Variants in VAV1 observed in about 807,000 individuals in gnomAD.
The protein encoded by VAV1 is vav guanine nucleotide exchange factor 1, also known as proto-oncogene vav.
VAV1 carries 33 observed loss-of-function variants against 128.1 expected under a neutral mutation model. That is an observed-to-expected ratio of 0.26 (90% CI 0.20 to 0.34). The LOEUF is 0.34. Among genes scored for constraint, VAV1 ranks in the 10% least tolerant of loss-of-function variants. The pLI, the probability that VAV1 is intolerant of heterozygous loss-of-function variation, is 1.00. For missense variants in VAV1, 715 were observed against 1,093.7 expected, an observed-to-expected ratio of 0.65 and a Z score of 4.88; for synonymous variants, 394 against 409.8, an observed-to-expected ratio of 0.96 and a Z score of 0.47.
intron 1 of VAV1, among the ~76,000 whole-genome samples, chr19:6,790,975 A>G (rs1971005718): frequency 6.6e-6 from 1 of 152,118 alleles, no homozygotes; most frequent in African/African-American, 2.4e-5. Flanking sequence ...AATCTGGTCC[A>G]GTGTCTGAGC....
intron 13 of VAV1, among the ~76,000 whole-genome samples, chr19:6,829,551 C>A (rs1250967940): frequency 1.3e-5 from 2 of 152,032 alleles, no homozygotes; most frequent in Admixed American, 6.6e-5. Flanking sequence ...GGCGGTGGAG[C>A]CTTGATGGAC....
chr19:6,779,112 T>TATG (rs1184950801), intron 1 of VAV1, among the ~76,000 whole-genome samples: 1 of 145,804 alleles, frequency 6.9e-6, no homozygotes, highest in Non-Finnish European at 1.5e-5. Context: ...AGTATAGTGG[T>TATG]ATGATCACAG....
At chr19:6,838,645 C>T (rs1167039882) in intron 21 of VAV1, among the ~76,000 whole-genome samples, 1 of 152,014 alleles carries the variant, frequency 6.6e-6, no homozygotes, top group South Asian at 2.1e-4. Flanking sequence ...TATCATTTAT[C>T]CATCACCTGT....
chr19:6,819,172 C>T (rs1971729214), intron 1 of VAV1, among the ~76,000 whole-genome samples: 1 of 152,114 alleles, frequency 6.6e-6, no homozygotes, highest in South Asian at 2.1e-4. Context: ...TTGTGATGTG[C>T]TGTTTTATAT....
At chr19:6,793,902 A>T (rs1971071359) in intron 1 of VAV1, among the ~76,000 whole-genome samples, 1 of 152,194 alleles carries the variant, frequency 6.6e-6, no homozygotes, top group African/African-American at 2.4e-5. Context: ...GTAAAGTCGT[A>T]AAGTGCTTCA....
rs370321152 is a variant in VAV1, at chr19:6,807,177, G to A, written c.205-13525G>A. On this transcript the variant is annotated intron_variant, in intron 1 of 26. Transcript: ENST00000602142. Reference sequence around the variant, plus strand: ...GATGGTTTCAGGATGATTCAAATGCGTTACATTTATTGTTCCCTTTATTTC... The same window carrying A: ...GATGGTTTCAGGATGATTCAAATGCATTACATTTATTGTTCCCTTTATTTC... 1.4e-4 allele frequency among the ~76,000 whole-genome samples: 22 copies of A among 152,200 alleles called. 1 individual carries two copies. Among genetic ancestry groups the A allele is most frequent in the Admixed American group, 4.6e-4 (7 of 15,278 alleles).
chr19:6,773,192 A>G (rs900999226), intron 1 of VAV1, among the ~76,000 whole-genome samples, 181 bp downstream of exon 1: 1 of 152,164 alleles, frequency 6.6e-6, no homozygotes, highest in African/African-American at 2.4e-5. Context: ...GGCCTCCCCA[A>G]GCTTAACAGG....
At chr19:6,849,736 A>G (rs1179602126) in intron 23 of VAV1, among the ~76,000 whole-genome samples, 1 of 152,186 alleles carries the variant, frequency 6.6e-6, no homozygotes, top group African/African-American at 2.4e-5. Flanking sequence ...CACCCAGTGC[A>G]TCCACGCTGC....
Position 6,842,645 on chromosome 19 carries a change from C to A in VAV1, c.1981-490C>A, listed in dbSNP as rs1599676081. Among the ~76,000 whole-genome samples, 4 of 152,118 alleles carry A rather than the reference C, an allele frequency of 2.6e-5. No homozygotes were observed. In the East Asian group the frequency reaches 5.8e-4, roughly 22 times the overall value. ...ACCAGCCTGGGAAACAAAGGGAGAC[C>A]ATCCCCCGCCCGATCTTGACAAAAT... On this transcript the variant is annotated intron_variant, in intron 21 of 26. Transcript: ENST00000602142.
At position 6,826,735 on chromosome 19, in the gene VAV1, G is replaced by A; in HGVS notation, c.927+24G>A. The stretch of plus-strand genomic sequence containing the variant: ...AGGTGGGCGCCGGGCCACTTCTCGG[G>A]GGCCTCTCCCGCTCCTCCCCAGGCC... On this transcript the variant is annotated intron_variant, in intron 9 of 26. Transcript: ENST00000602142. The surrounding 1 kb of genome is among the most constrained non-coding windows in gnomAD (Gnocchi z 4.1). 6.5e-7 allele frequency: 1 copy of A among 1,527,044 alleles called. No individual in the cohort carries two copies. Among genetic ancestry groups the A allele is most frequent in the East Asian group, 2.4e-5 (1 of 40,918 alleles). The allele number at this position is 1,527,044 out of a possible 1,614,324, so 94.6% of individuals were successfully genotyped here.
intron 1 of VAV1, among the ~76,000 whole-genome samples, chr19:6,783,871 T>C (rs926515258): frequency 2.0e-5 from 3 of 151,658 alleles, no homozygotes; most frequent in South Asian, 2.1e-4. Context: ...AGGAGATAGG[T>C]TGGTTGGACG....
chr19:6,828,874 G>C lies in VAV1; in HGVS notation c.1239G>C (p.Ser413=). ...PKIDGELKIT[S]VERRSKMDRY... is the part of the protein sequence containing the mutation. ...TCGACGGGGAACTCAAGATCACCTC[G>C]GTGGAACGGCGCTCCAAGATGGACA... Residue 413 remains serine, a synonymous_variant, in exon 13 of 27, where the codon TCG becomes TCC. Transcript: ENST00000602142. This position sits in a 1 kb window ranked among gnomAD's most constrained non-coding sequence, Gnocchi z 4.5. The C allele has an allele frequency of 6.2e-7, 1 of 1,614,138 alleles. No individual in the cohort carries two copies. The highest frequency in any genetic ancestry group is 8.5e-7 in the Non-Finnish European group (1 of 1,180,038).
chr19:6,795,362 T>C (rs927497027), intron 1 of VAV1, among the ~76,000 whole-genome samples: 1 of 152,110 alleles, frequency 6.6e-6, no homozygotes, highest in African/African-American at 2.4e-5. Flanking sequence ...CTCTGAACTC[T>C]GTGTATCGCT....
chr19:6,836,706 C>A, intron 20 of VAV1, 138 bp downstream of exon 20: 1 of 1,373,126 alleles, frequency 7.3e-7, no homozygotes, highest in Non-Finnish European at 9.8e-7. Flanking sequence ...TAGACTGAGA[C>A]TTCTGGGCAT....
chr19:6,824,113 A>T (rs1202964140), intron 6 of VAV1, among the ~76,000 whole-genome samples: 1 of 150,922 alleles, frequency 6.6e-6, no homozygotes, highest in African/African-American at 2.4e-5. Flanking sequence ...TAATTCTTTA[A>T]TTTTTTTTGT....
intron 1 of VAV1, among the ~76,000 whole-genome samples, chr19:6,801,508 C>G (rs1971267684): frequency 6.6e-6 from 1 of 152,006 alleles, no homozygotes; most frequent in Non-Finnish European, 1.5e-5. Context: ...CACTCTGCAC[C>G]CCTGCTTCGG....
chr19:6,817,933 G>T (rs572601902), intron 1 of VAV1, among the ~76,000 whole-genome samples: 1 of 152,104 alleles, frequency 6.6e-6, no homozygotes, highest in Non-Finnish European at 1.5e-5. Flanking sequence ...TGATCCGCCC[G>T]CCTCGGCCTC....
chr19:6,796,591 A>G (rs2144723053), intron 1 of VAV1, among the ~76,000 whole-genome samples: 1 of 152,126 alleles, frequency 6.6e-6, no homozygotes, highest in South Asian at 2.1e-4. Flanking sequence ...TACTAACCTC[A>G]CTGGCTATTC....
intron 1 of VAV1, among the ~76,000 whole-genome samples, chr19:6,795,213 T>C (rs1416791779): frequency 6.6e-6 from 1 of 152,084 alleles, no homozygotes; most frequent in Non-Finnish European, 1.5e-5. Flanking sequence ...TCCAATTGGC[T>C]GAACCTATCT....
Sources: gnomAD v4.1 joint callset for allele counts (sites outside exome capture counted in the v4.1 genomes callset) on GRCh38, gnomAD v4.1.1 for gene constraint, Gnocchi (gnomAD v3.1) non-coding constraint, MANE v1.5 for transcripts, NCBI Gene and HGNC (gene_info 2026-07-23, HGNC 2026-07-21) for gene names.